ATP11B: variants seen among roughly 807,000 people sequenced by gnomAD.
ATP11B encodes ATPase phospholipid transporting 11B (putative), also known as phospholipid-transporting ATPase IF.
ATP11B carries 81 observed loss-of-function variants against 157.8 expected under a neutral mutation model. The ratio of observed to expected loss-of-function variants is 0.51; its 90% CI spans 0.43 to 0.62. ATP11B has a LOEUF of 0.62. ATP11B is among the 20% of genes least tolerant of loss of function. The pLI, the probability that ATP11B is intolerant of heterozygous loss-of-function variation, is 0.00. For missense variants in ATP11B, 1,165 were observed against 1,402.2 expected, an observed-to-expected ratio of 0.83 and a Z score of 2.70; for synonymous variants, 451 against 469.4, an observed-to-expected ratio of 0.96 and a Z score of 0.51.
chr3:182,836,611 G>A, intron 6 of ATP11B, 141 bp downstream of exon 6: 1 of 1,019,052 alleles, frequency 9.8e-7, no homozygotes, highest in Admixed American at 2.6e-5. Context: ...AAATAAAAAG[G>A]TTTTAAGAAA....
intron 15 of ATP11B, 44 bp from the exon 16 acceptor site, chr3:182,869,034 T>TA (rs1721449727): frequency 5.2e-6 from 7 of 1,336,594 alleles, no homozygotes; most frequent in Admixed American, 4.3e-5. Flanking sequence ...AATATTATTT[T>TA]AAAAAAAGTA....
chr3:182,901,377 A>G (rs541033232), intron 28 of ATP11B, among the ~76,000 whole-genome samples: 35 of 150,026 alleles, frequency 2.3e-4, no homozygotes, highest in African/African-American at 7.1e-4. Context: ...TTAATTCTTT[A>G]TAAGAGTAAA....
chr3:182,795,443 A>T (rs1487067639), intron 1 of ATP11B, among the ~76,000 whole-genome samples: 2 of 152,216 alleles, frequency 1.3e-5, no homozygotes, highest in African/African-American at 4.8e-5. Context: ...AACCATGCTC[A>T]TCTTCAAGAC....
At chr3:182,834,972 G>A (rs1453102415) in intron 4 of ATP11B, among the ~76,000 whole-genome samples, 1 of 152,180 alleles carries the variant, frequency 6.6e-6, no homozygotes, top group Non-Finnish European at 1.5e-5. Context: ...GTCAGCTAGA[G>A]AAAAGAACAT....
Position 182,829,830 on chromosome 3 carries a change from T to C in ATP11B, c.315+78T>C. ...AAATATTTCCACTCCAAAGTAACATTTATTGTTGTGAAAATAATTTCCATA... is the reference window on the plus strand; with the variant it reads ...AAATATTTCCACTCCAAAGTAACATCTATTGTTGTGAAAATAATTTCCATA... On this transcript the variant is annotated intron_variant, in intron 4 of 29. Coordinates refer to ENST00000323116, the MANE Select transcript of ATP11B (RefSeq NM_014616.3). 2.1e-6 allele frequency: 3 copies of C among 1,415,868 alleles called. No individual in the cohort carries two copies. In the South Asian group the frequency reaches 4.2e-5, roughly 20 times the overall value. The allele number at this position is 1,415,868 out of a possible 1,614,324, so 87.7% of individuals were successfully genotyped here. A position where few individuals can be genotyped will look rare whatever the true frequency, so the allele number is the denominator to read the frequency against.
At chr3:182,846,930 C>T (rs1270129096) in intron 9 of ATP11B, among the ~76,000 whole-genome samples, 1 of 152,018 alleles carries the variant, frequency 6.6e-6, no homozygotes, top group Non-Finnish European at 1.5e-5. Flanking sequence ...ACACTTTAAA[C>T]TGGTAAATAC....
rs2108541435 is a variant in ATP11B, at chr3:182,865,515, G to A, written c.1260G>A (p.Arg420=). The A allele has an allele frequency of 8.1e-6, 13 of 1,613,692 alleles. No homozygotes were observed. The highest frequency in any genetic ancestry group is 1.1e-5 in the Non-Finnish European group (13 of 1,179,788). The change falls in exon 13 of 30, where the codon CGG becomes CGA. Residue 420 remains arginine (R), a synonymous_variant. Coordinates refer to ENST00000323116, the MANE Select transcript of ATP11B (RefSeq NM_014616.3). ...TGACAGAAAATGAGATGCAGTTTCG[G>A]GAATGTTCAATTAATGGCATGAAAT... ...GTLTENEMQF[R]ECSINGMKYQ...
chr3:182,809,463 G>A (rs928490752), intron 1 of ATP11B, among the ~76,000 whole-genome samples: 8 of 152,250 alleles, frequency 5.3e-5, no homozygotes, highest in South Asian at 2.1e-4. Flanking sequence ...TGGCCGGGCC[G>A]TTCTTGAACT....
intron 12 of ATP11B, among the ~76,000 whole-genome samples, chr3:182,860,605 C>T (rs1431312395): frequency 6.6e-6 from 1 of 152,038 alleles, no homozygotes; most frequent in African/African-American, 2.4e-5. Context: ...CTATGTTTCT[C>T]TTGTTTTGAA....
intron 4 of ATP11B, chr3:182,833,914 T>C (rs1177705342): frequency 6.6e-6 from 1 of 152,214 alleles, no homozygotes; most frequent in Non-Finnish European, 1.5e-5. Context: ...AGGAAAGTAC[T>C]ACAAGGTAAT....
Position 182,863,126 on chromosome 3 carries a change from G to C in ATP11B, c.1201-2330G>C, listed in dbSNP as rs372731305. Among the ~76,000 whole-genome samples, 3 of 151,648 alleles carry C rather than the reference G, an allele frequency of 2.0e-5. No individual in the cohort carries two copies. In the East Asian group the frequency reaches 5.8e-4, roughly 29 times the overall value. On this transcript the variant is annotated intron_variant, in intron 12 of 29. Coordinates refer to ENST00000323116, the MANE Select transcript of ATP11B (RefSeq NM_014616.3). The stretch of plus-strand genomic sequence containing the variant: ...AGAGATGGGGTTTCACCGTGGTCTC[G>C]ATCTCCTGACCTCGTGATCCACCCG...
chr3:182,910,880 T>C (rs532738391), intron 28 of ATP11B, among the ~76,000 whole-genome samples: 4 of 152,244 alleles, frequency 2.6e-5, no homozygotes, highest in African/African-American at 9.6e-5. Flanking sequence ...CCAGTTTATC[T>C]TGAGCCAGTG....
At chr3:182,891,523 A>C (rs1405303605) in intron 25 of ATP11B, among the ~76,000 whole-genome samples, 1 of 152,166 alleles carries the variant, frequency 6.6e-6, no homozygotes, top group South Asian at 2.1e-4. Flanking sequence ...TATGTTATTA[A>C]AAATGCTTCA....
At chr3:182,804,886 A>G (rs1016785494) in intron 1 of ATP11B, among the ~76,000 whole-genome samples, 2 of 152,180 alleles carry the variant, frequency 1.3e-5, no homozygotes, top group Non-Finnish European at 2.9e-5. Flanking sequence ...TATATGTGGT[A>G]TTTTGTAACA....
At chr3:182,836,693 T>C in intron 6 of ATP11B, 1 of 497,448 alleles carries the variant, frequency 2.0e-6, no homozygotes, top group South Asian at 4.2e-5. Flanking sequence ...CAGAAGGTGT[T>C]TTTAGGAAAA....
At position 182,839,422 on chromosome 3, in the gene ATP11B, AC is replaced by A. The variant is rs1007898710; in HGVS notation, c.656+2250del. On this transcript the variant is annotated intron_variant, in intron 7 of 29. Transcript: ENST00000323116. ...AACAAACCTGCACATGTACCCCTGA[AC>A]CTAAATGTTTAAATAAATGTGTGTA... is the stretch of plus-strand genomic sequence containing the variant. Among the ~76,000 whole-genome samples, 8 of 152,234 alleles carry A rather than the reference AC, an allele frequency of 5.3e-5. No homozygotes were observed. The East Asian group carries it at 1.5e-3, about 29-fold the overall frequency.
chr3:182,831,695 T>C (rs977974884), intron 4 of ATP11B, among the ~76,000 whole-genome samples: 1 of 152,188 alleles, frequency 6.6e-6, no homozygotes, highest in Non-Finnish European at 1.5e-5. Flanking sequence ...GGAAAGTTCT[T>C]CTGCCAGATA....
At chr3:182,832,964 T>A (rs1348459057) in intron 4 of ATP11B, among the ~76,000 whole-genome samples, 3 of 152,020 alleles carry the variant, frequency 2.0e-5, no homozygotes, top group Admixed American at 6.5e-5. Flanking sequence ...TAAATAAATT[T>A]AAGAATTTAT....
intron 25 of ATP11B, among the ~76,000 whole-genome samples, chr3:182,895,397 A>G (rs1216032835): frequency 6.6e-6 from 1 of 152,196 alleles, no homozygotes; most frequent in African/African-American, 2.4e-5. Context: ...ATTGCCTATT[A>G]TATACCAGGT....
Sources: gnomAD v4.1 joint callset for allele counts (sites outside exome capture counted in the v4.1 genomes callset) on GRCh38, gnomAD v4.1.1 for gene constraint, MANE v1.5 for transcripts, NCBI Gene and HGNC (gene_info 2026-07-23, HGNC 2026-07-21) for gene names.